Variants in RFFL observed in about 807,000 individuals in gnomAD.
The protein encoded by RFFL is ring finger and FYVE like domain containing E3 ubiquitin protein ligase, also known as E3 ubiquitin-protein ligase rififylin.
RFFL carries 16 observed loss-of-function variants against 40.4 expected under a neutral mutation model. The ratio of observed to expected loss-of-function variants is 0.40; its 90% CI spans 0.27 to 0.60. RFFL has a LOEUF of 0.60. RFFL is among the 20% of genes least tolerant of loss of function. RFFL has a pLI of 0.47. For missense variants in RFFL, 367 were observed against 451.7 expected, an observed-to-expected ratio of 0.81 and a Z score of 1.70; for synonymous variants, 154 against 167.9, an observed-to-expected ratio of 0.92 and a Z score of 0.64.
intron 1 of RFFL, among the ~76,000 whole-genome samples, chr17:35,039,323 G>A (rs1481850303): frequency 5.3e-5 from 8 of 152,032 alleles, no homozygotes; most frequent in African/African-American, 1.4e-4. Context: ...GGGTTCAAGC[G>A]ATTCTCACGC....
At chr17:35,084,219 C>CA (rs1241860456) in intron 1 of RFFL, among the ~76,000 whole-genome samples, 2 of 152,206 alleles carry the variant, frequency 1.3e-5, no homozygotes, top group East Asian at 3.8e-4. Flanking sequence ...GCCTGGGTGA[C>CA]AGAGACTCCA....
chr17:35,086,879 ACTT>A (rs938204587), intron 1 of RFFL, among the ~76,000 whole-genome samples: 2 of 152,194 alleles, frequency 1.3e-5, no homozygotes, highest in African/African-American at 4.8e-5. Flanking sequence ...CCCCCTAACA[ACTT>A]CTTAGGTTTA....
chr17:35,059,333 T>C (rs973945964), intron 1 of RFFL, among the ~76,000 whole-genome samples: 4 of 152,098 alleles, frequency 2.6e-5, no homozygotes, highest in Non-Finnish European at 4.4e-5. Context: ...GATATAGGTT[T>C]ATAAGTGATG....
intron 1 of RFFL, among the ~76,000 whole-genome samples, chr17:35,050,565 C>A (rs2091225684): frequency 6.6e-6 from 1 of 151,964 alleles, no homozygotes; most frequent in African/African-American, 2.4e-5. Context: ...CACTATATTG[C>A]CTAGGTTGGT....
intron 1 of RFFL, among the ~76,000 whole-genome samples, chr17:35,055,450 A>G (rs1194853343): frequency 1.3e-5 from 2 of 152,058 alleles, no homozygotes; most frequent in African/African-American, 4.8e-5. Context: ...AGGTGGGCGG[A>G]TCACCTGAGG....
At chr17:35,046,629 G>A (rs564768856) in intron 1 of RFFL, among the ~76,000 whole-genome samples, 7 of 152,250 alleles carry the variant, frequency 4.6e-5, no homozygotes, top group South Asian at 2.1e-4. Context: ...TTTCTTAAGC[G>A]GTAACTGTTA....
chr17:35,021,539 G>A lies in RFFL; in HGVS notation c.423C>T (p.Ser141=). The part of the protein sequence containing the change: ...LLVLGQQPVI[S]QEDRTRASTL... ...TGGAGGCACGAGTCCTGTCCTCCTG[G>A]GAGATTACAGGCTGCTGGCCAAGGA... Residue 141 remains serine (S), a synonymous_variant, in exon 3 of 7, where the codon TCC becomes TCT. Transcript: ENST00000394597. 6.2e-7 allele frequency: 1 copy of A among 1,613,622 alleles called. No individual in the cohort carries two copies. Among genetic ancestry groups the A allele is most frequent in the African/African-American group, 1.3e-5 (1 of 75,032 alleles).
chr17:35,083,810 G>C (rs2091415265), intron 1 of RFFL, among the ~76,000 whole-genome samples: 1 of 151,746 alleles, frequency 6.6e-6, no homozygotes, highest in Admixed American at 6.6e-5. Flanking sequence ...AAAGAAAAGG[G>C]AAGAAAAGTG....
At chr17:35,070,043 CGA>C (rs1045772828) in intron 1 of RFFL, among the ~76,000 whole-genome samples, 6 of 151,510 alleles carry the variant, frequency 4.0e-5, no homozygotes, top group African/African-American at 1.2e-4. Flanking sequence ...ACATACACAC[CGA>C]GAGAGGGAGA....
intron 5 of RFFL, among the ~76,000 whole-genome samples, chr17:35,015,813 A>C (rs1166713960): frequency 6.6e-6 from 1 of 152,240 alleles, no homozygotes; most frequent in Non-Finnish European, 1.5e-5. Context: ...TCAGTAATGA[A>C]GATATGAGGT....
intron 1 of RFFL, among the ~76,000 whole-genome samples, chr17:35,033,350 G>T (rs1180199985): frequency 1.3e-5 from 2 of 151,662 alleles, no homozygotes; most frequent in African/African-American, 4.9e-5. Flanking sequence ...CCAGCATGGT[G>T]AAACCCCATC....
intron 1 of RFFL, among the ~76,000 whole-genome samples, chr17:35,050,664 A>C (rs925117390): frequency 6.6e-6 from 1 of 151,662 alleles, no homozygotes; most frequent in Admixed American, 6.6e-5. Context: ...GGCTCTACAA[A>C]AAAAAAAAAA....
chr17:35,083,060 T>C (rs763766882), intron 1 of RFFL, among the ~76,000 whole-genome samples: 1 of 152,248 alleles, frequency 6.6e-6, no homozygotes, highest in African/African-American at 2.4e-5. Flanking sequence ...GTTACGCACC[T>C]ATTATTTTCA....
intron 1 of RFFL, among the ~76,000 whole-genome samples, chr17:35,072,672 G>A (rs2091356759): frequency 6.6e-6 from 1 of 152,000 alleles, no homozygotes; most frequent in Non-Finnish European, 1.5e-5. Context: ...GGAGAAAAAC[G>A]GGTGACGGGT....
At chr17:35,067,649 T>C (rs1442803793), upstream of RFFL, among the ~76,000 whole-genome samples, 4 of 151,744 alleles carry the variant, frequency 2.6e-5, no homozygotes, top group East Asian at 1.9e-4. Flanking sequence ...GAGACGGAGT[T>C]TCGCCATGTT....
chr17:35,032,615 G>A (rs2091093256), intron 1 of RFFL, among the ~76,000 whole-genome samples: 1 of 152,042 alleles, frequency 6.6e-6, no homozygotes, highest in Non-Finnish European at 1.5e-5. Context: ...CATGGGACAT[G>A]CTGATGTATA....
rs2090937100 is a variant in RFFL at position 35,011,402 on chromosome 17, C to T, written c.*566G>A. ...TCTCACCAAAGATAAGTTTACTGGTCTAAAATCTGTCCTAAGGACCACTAT... is the reference window on the plus strand; with the variant it reads ...TCTCACCAAAGATAAGTTTACTGGTTTAAAATCTGTCCTAAGGACCACTAT... On this transcript the variant is annotated 3_prime_UTR_variant, in exon 7 of 7. Transcript: ENST00000394597. 6.6e-6 allele frequency: 1 copy of T among 152,296 alleles called. No individual in the cohort carries two copies. Among genetic ancestry groups the T allele is most frequent in the Non-Finnish European group, 1.5e-5 (1 of 68,122 alleles). The allele number at this position is 152,296 out of a possible 1,614,324, so 9.4% of individuals were successfully genotyped here.
intron 1 of RFFL, among the ~76,000 whole-genome samples, chr17:35,059,473 T>C (rs1250901153): frequency 1.3e-5 from 2 of 152,136 alleles, no homozygotes; most frequent in Non-Finnish European, 2.9e-5. Flanking sequence ...AAAAAAAATA[T>C]GTCCTCCTTT....
chr17:35,040,769 C>T (rs1392019670), intron 1 of RFFL, among the ~76,000 whole-genome samples: 1 of 150,524 alleles, frequency 6.6e-6, no homozygotes, highest in Non-Finnish European at 1.5e-5. Flanking sequence ...TTTGTTCCTT[C>T]TGCCTGGATT....
Sources: allele counts gnomAD v4.1 joint callset (sites outside exome capture counted in the v4.1 genomes callset), GRCh38; gene constraint gnomAD v4.1.1; transcripts MANE v1.5; gene names NCBI Gene and HGNC (gene_info 2026-07-23, HGNC 2026-07-21).